Variants in FHIT observed in about 807,000 individuals in gnomAD.
FHIT encodes fragile histidine triad diadenosine triphosphatase, also known as bis(5'-adenosyl)-triphosphatase.
A neutral mutation model predicts 17.9 loss-of-function variants in FHIT; 19 were observed. That is an observed-to-expected ratio of 1.06 (90% CI 0.74 to 1.56). FHIT has a LOEUF of 1.56. Among genes scored for constraint, FHIT ranks in the 40% most tolerant of loss-of-function variants. The pLI is 0.00. For synonymous variants in FHIT, 81 were observed against 69.7 expected (o/e 1.16, Z -0.81); for missense variants, 248 against 189.2 (o/e 1.31, Z -1.82).
chr3:60,595,497 ATGTG>A (rs1184414817), intron 4 of FHIT, among the ~76,000 whole-genome samples: 1 of 134,632 alleles, frequency 7.4e-6, no homozygotes, highest in African/African-American at 2.9e-5. Flanking sequence ...ATATGTATAT[ATGTG>A]TGTGTGTGTA....
chr3:60,657,809 T>C (rs186717410), intron 4 of FHIT, among the ~76,000 whole-genome samples: 3 of 152,258 alleles, frequency 2.0e-5, no homozygotes, highest in African/African-American at 7.2e-5. Flanking sequence ...ATCCCTTAGG[T>C]GGTTTAATCA....
At chr3:59,950,490 C>T (rs1162381150) in intron 7 of FHIT, among the ~76,000 whole-genome samples, 2 of 152,198 alleles carry the variant, frequency 1.3e-5, no homozygotes, top group Non-Finnish European at 2.9e-5. Context: ...ATCACTCACT[C>T]CCCTCTTATA....
intron 7 of FHIT, among the ~76,000 whole-genome samples, chr3:59,946,245 G>A (rs936417831): frequency 6.6e-5 from 10 of 152,208 alleles, no homozygotes; most frequent in Middle Eastern, 6.8e-3. Context: ...CACCTCCATG[G>A]TTAGATGTAT....
Position 60,734,436 on chromosome 3 carries a change from G to A in FHIT, c.-18+87483C>T, listed in dbSNP as rs563390640. ...GTTTTGAGACAGGGTCTTGCTTTGT[G>A]CAGGAGTGCAGGCTGGAGTGCAGTG... is the stretch of plus-strand genomic sequence containing the variant. On this transcript the variant is annotated intron_variant, in intron 4 of 9. Transcript: ENST00000492590. 2.1e-4 allele frequency among the ~76,000 whole-genome samples: 32 copies of A among 152,172 alleles called. 1 individual carries two copies. In the South Asian group the frequency reaches 6.5e-3, roughly 31 times the overall value.
chr3:60,345,602 A>T (rs1365923638), intron 5 of FHIT, among the ~76,000 whole-genome samples: 1 of 152,214 alleles, frequency 6.6e-6, no homozygotes, highest in Non-Finnish European at 1.5e-5. Context: ...TGACTAAAAG[A>T]TGGCATTGTT....
At chr3:60,772,906 A>G (rs1553723513) in intron 4 of FHIT, among the ~76,000 whole-genome samples, 1 of 152,108 alleles carries the variant, frequency 6.6e-6, no homozygotes, top group Non-Finnish European at 1.5e-5. Context: ...TCAACTCCCT[A>G]TGATTAAATC....
At chr3:60,672,906 T>TGTGTGTGTGTGTGTGC (rs1454491586) in intron 4 of FHIT, among the ~76,000 whole-genome samples, 18 of 151,578 alleles carry the variant, frequency 1.2e-4, no homozygotes, top group South Asian at 2.1e-4. Context: ...TGTGTGTGTG[T>TGTGTGTGTGTGTGTGC]GCATGCATGC....
chr3:60,235,466 G>C (rs144260358), intron 5 of FHIT, among the ~76,000 whole-genome samples: 1 of 152,030 alleles, frequency 6.6e-6, no homozygotes, highest in Non-Finnish European at 1.5e-5. Flanking sequence ...TCCTGACCTC[G>C]TGATCTGCTG....
chr3:60,674,325 C>T (rs1348466737), intron 4 of FHIT, among the ~76,000 whole-genome samples: 3 of 152,054 alleles, frequency 2.0e-5, no homozygotes, highest in Non-Finnish European at 4.4e-5. Flanking sequence ...TATGTCAAGT[C>T]CTTGAATATA....
At chr3:61,066,909 G>A (rs1431960898) in intron 2 of FHIT, among the ~76,000 whole-genome samples, 1 of 152,230 alleles carries the variant, frequency 6.6e-6, no homozygotes, top group Non-Finnish European at 1.5e-5. Context: ...GTGAGGAGCT[G>A]TGTGGAATGT....
At chr3:59,891,824 C>G (rs1233606458) in intron 8 of FHIT, among the ~76,000 whole-genome samples, 1 of 152,020 alleles carries the variant, frequency 6.6e-6, no homozygotes, top group Non-Finnish European at 1.5e-5. Context: ...TTTAAAGGAT[C>G]CTTGCAGGGA....
intron 4 of FHIT, chr3:60,732,422 G>T: frequency 1.3e-6 from 1 of 747,364 alleles, no homozygotes; most frequent in East Asian, 2.6e-5. Context: ...TGCCACCAGT[G>T]CCATATGGCA....
At chr3:59,833,633 C>T (rs1266370839) in intron 8 of FHIT, among the ~76,000 whole-genome samples, 4 of 152,260 alleles carry the variant, frequency 2.6e-5, no homozygotes, top group African/African-American at 4.8e-5. Flanking sequence ...TAATACAAAG[C>T]CCATCAGGTG....
chr3:60,820,401 A>G (rs1200519441), intron 4 of FHIT, among the ~76,000 whole-genome samples: 2 of 152,228 alleles, frequency 1.3e-5, no homozygotes, highest in Non-Finnish European at 2.9e-5. Context: ...GAAAAGGCAC[A>G]TAACACCAGT....
At chr3:61,225,449 G>A (rs2039946207) in intron 1 of FHIT, among the ~76,000 whole-genome samples, 1 of 152,170 alleles carries the variant, frequency 6.6e-6, no homozygotes, top group Non-Finnish European at 1.5e-5. Context: ...TTTGCAGGAG[G>A]CATGTTCTAA....
At chr3:60,898,306 C>T (rs554271489) in intron 3 of FHIT, among the ~76,000 whole-genome samples, 5 of 152,254 alleles carry the variant, frequency 3.3e-5, no homozygotes, top group African/African-American at 1.2e-4. Context: ...TCGTAAACAA[C>T]TCTGAGAAAA....
chr3:60,442,891 C>G (rs1168361153), intron 5 of FHIT, among the ~76,000 whole-genome samples: 1 of 152,130 alleles, frequency 6.6e-6, no homozygotes, highest in Non-Finnish European at 1.5e-5. Flanking sequence ...GATATTGATT[C>G]TTCCTACCCA....
At chr3:59,782,536 G>A (rs4679610) in intron 8 of FHIT, among the ~76,000 whole-genome samples, 52,744 of 151,912 alleles carry the variant, frequency 0.35, 9,517 homozygotes, top group East Asian at 0.53. Context: ...CCTCAGCCCC[G>A]CTCTCTCAGT....
intron 4 of FHIT, among the ~76,000 whole-genome samples, chr3:60,722,111 A>C (rs2041821038): frequency 6.6e-6 from 1 of 152,210 alleles, no homozygotes; most frequent in African/African-American, 2.4e-5. Context: ...ACTCTCAGCT[A>C]TTAGGAATTC....
Sources: gnomAD v4.1 joint callset for allele counts (sites outside exome capture counted in the v4.1 genomes callset) on GRCh38, gnomAD v4.1.1 for gene constraint, MANE v1.5 for transcripts, NCBI Gene and HGNC (gene_info 2026-07-23, HGNC 2026-07-21) for gene names.